Variants in RPA4 observed in about 807,000 individuals in gnomAD.
RPA4 encodes the protein replication protein A 30 kDa subunit.
For missense variants in RPA4, 229 were observed against 215.5 expected (o/e 1.06, Z -0.39); for synonymous variants, 88 against 84.4 (o/e 1.04, Z -0.23).
chrX:96,884,981 G>A lies in RPA4; in HGVS notation c.671G>A (p.Arg224Gln). The A allele has an allele frequency of 2.5e-6, 3 of 1,210,460 alleles. No individual in the cohort carries two copies. Among genetic ancestry groups the A allele is most frequent in the Non-Finnish European group, 3.4e-6 (3 of 894,994 alleles). The change falls in exon 1 of 1, where the codon CGG (arginine) becomes CAG (glutamine). Residue 224 changes from arginine (R) to glutamine (Q), a missense_variant. Arg to Gln is a conservative substitution (Grantham distance 43). Transcript: ENST00000373040. The stretch of plus-strand genomic sequence containing the variant: ...GAAGGGAAGAGCATCCATGAGCTCC[G>A]GGCTCAGCTCTGCGACCTTAGCGTC... ...HQEGKSIHEL[R>Q]AQLCDLSVKA... is the part of the protein sequence containing the mutation.
In RPA4 at chrX:96,885,054, C is replaced by A. The variant is rs2065250504; in HGVS notation, c.744C>A (p.Ile248=). The A allele has an allele frequency of 1.7e-6, 2 of 1,210,757 alleles. No homozygotes were observed. Among genetic ancestry groups the A allele is most frequent in the East Asian group, 5.9e-5 (2 of 33,811 alleles). The change falls in exon 1 of 1, where the codon ATC becomes ATA. Residue 248 remains isoleucine (I), a synonymous_variant. Coordinates refer to ENST00000373040, the MANE Select transcript of RPA4 (RefSeq NM_013347.4). ...ATTATCTGACCGTTGAGGGCCACAT[C>A]TATCCCACTGTGGATCGGGAGCATT... The part of the protein sequence containing the change: ...AIDYLTVEGH[I]YPTVDREHFK...
In RPA4 at chrX:96,884,469, G is replaced by C. The variant is rs368340875; in HGVS notation, c.159G>C (p.Gln53His). Residue 53 changes from glutamine (Q) to histidine (H), a missense_variant, in exon 1 of 1, where the codon CAG becomes CAC. Coordinates refer to ENST00000373040, the MANE Select transcript of RPA4 (RefSeq NM_013347.4). Reference sequence around the variant, plus strand: ...ACGTTGTACCGTGTAATGTGAACCAGCTTCTCAGCTCTACTGTGTTTGACC... The same window carrying C: ...ACGTTGTACCGTGTAATGTGAACCACCTTCTCAGCTCTACTGTGTTTGACC... Reference protein sequence around the residue: ...IQDVVPCNVNQLLSSTVFDPV... With the variant: ...IQDVVPCNVNHLLSSTVFDPV... The C allele has an allele frequency of 5.8e-6, 7 of 1,209,220 alleles. No homozygotes were observed. In the African/African-American group the frequency reaches 1.1e-4, roughly 18 times the overall value.
At position 96,884,736 on chromosome X, in the gene RPA4, A is replaced by G. The variant is rs1393616762; in HGVS notation, c.426A>G (p.Val142=). The G allele has an allele frequency of 8.3e-7, 1 of 1,210,321 alleles. No individual in the cohort carries two copies. Among genetic ancestry groups the G allele is most frequent in the Admixed American group, 2.2e-5 (1 of 45,946 alleles). ...KCPTGTKSLE[V]LKIHVLEDMN... is the part of the protein sequence containing the mutation. ...CCACGGGAACAAAGAGCCTTGAGGTATTGAAAATTCATGTCCTAGAGGACA... is the reference window on the plus strand; with the variant it reads ...CCACGGGAACAAAGAGCCTTGAGGTGTTGAAAATTCATGTCCTAGAGGACA... Residue 142 remains valine, a synonymous_variant, in exon 1 of 1, where the codon GTA becomes GTG. Transcript: ENST00000373040.
chrX:96,884,254 C>T lies in RPA4; in HGVS notation c.-57C>T. On this transcript the variant is annotated 5_prime_UTR_variant, in exon 1 of 1. Transcript: ENST00000373040. ...CTTCTGTGGAGAACTCAAAGCCGTC[C>T]GTGGAGCCCCAGACGAGCCAAAGCC... 2.8e-6 allele frequency: 3 copies of T among 1,068,111 alleles called. No homozygotes were observed. Among genetic ancestry groups the T allele is most frequent in the Non-Finnish European group, 3.8e-6 (3 of 787,112 alleles). The allele number at this position is 1,068,111 out of a possible 1,213,427, so 88.0% of individuals were successfully genotyped here.
chrX:96,885,014 T>A lies in RPA4; in HGVS notation c.704T>A (p.Ile235Asn), dbSNP rs1276140117. 1 of 1,211,101 alleles carries A rather than the reference T, an allele frequency of 8.3e-7. No homozygotes were observed. Among genetic ancestry groups the A allele is most frequent in the African/African-American group, 1.7e-5 (1 of 57,647 alleles). Residue 235 changes from isoleucine to asparagine, a missense_variant, in exon 1 of 1, where the codon ATC (isoleucine) becomes AAC (asparagine). Transcript: ENST00000373040. ...CTCTGCGACCTTAGCGTCAAGGCCA[T>A]CAAGGAAGCGATTGATTATCTGACC... ...AQLCDLSVKA[I>N]KEAIDYLTVE...
In RPA4 at chrX:96,884,662, C is replaced by A; in HGVS notation, c.352C>A (p.Pro118Thr). The change falls in exon 1 of 1, where the codon CCA becomes ACA. Residue 118 changes from proline to threonine, a missense_variant. Coordinates refer to ENST00000373040, the MANE Select transcript of RPA4 (RefSeq NM_013347.4). Reference protein sequence around the residue: ...FGREKVKQVTPLSVGVYVKVF... With the variant: ...FGREKVKQVTTLSVGVYVKVF... The stretch of plus-strand genomic sequence containing the variant: ...TAGAGAGAAAGTCAAGCAGGTGACT[C>A]CATTGTCAGTCGGAGTATATGTCAA... 8.3e-7 allele frequency: 1 copy of A among 1,210,437 alleles called. No individual in the cohort carries two copies. Among genetic ancestry groups the A allele is most frequent in the Non-Finnish European group, 1.1e-6 (1 of 894,965 alleles).
rs1466602605 is a variant in RPA4 at position 96,884,507 on chromosome X, T to C, written c.197T>C (p.Val66Ala). The change falls in exon 1 of 1, where the codon GTT becomes GCT. Residue 66 changes from valine (V) to alanine (A), a missense_variant. Val to Ala is a moderately conservative substitution (Grantham distance 64). Coordinates refer to ENST00000373040, the MANE Select transcript of RPA4 (RefSeq NM_013347.4). ...ACTGTGTTTGACCCTGTGTTCAAGG[T>C]TAGGGGAATTATAGTTTCCCAGGTC... ...SSTVFDPVFK[V>A]RGIIVSQVSI... 1 of 1,210,678 alleles carries C rather than the reference T, an allele frequency of 8.3e-7. No individual in the cohort carries two copies. The highest frequency in any genetic ancestry group is 1.8e-5 in the South Asian group (1 of 56,912).
chrX:96,884,993 G>T lies in RPA4; in HGVS notation c.683G>T (p.Cys228Phe). Residue 228 changes from cysteine to phenylalanine, a missense_variant, in exon 1 of 1, where the codon TGC becomes TTC. Transcript: ENST00000373040. ...ATCCATGAGCTCCGGGCTCAGCTCTGCGACCTTAGCGTCAAGGCCATCAAG... is the reference window on the plus strand; with the variant it reads ...ATCCATGAGCTCCGGGCTCAGCTCTTCGACCTTAGCGTCAAGGCCATCAAG... Reference protein sequence around the residue: ...KSIHELRAQLCDLSVKAIKEA... With the variant: ...KSIHELRAQLFDLSVKAIKEA... 4.1e-6 allele frequency: 5 copies of T among 1,210,498 alleles called. No individual in the cohort carries two copies. Among genetic ancestry groups the T allele is most frequent in the Non-Finnish European group, 5.6e-6 (5 of 894,725 alleles).
Position 96,885,221 on chromosome X carries a change from C to G in RPA4, c.*125C>G. On this transcript the variant is annotated 3_prime_UTR_variant, in exon 1 of 1. Coordinates refer to ENST00000373040, the MANE Select transcript of RPA4 (RefSeq NM_013347.4). Reference sequence around the variant, plus strand: ...TCTCAAGTGGCATTCTTTGTCAACTCGCTGCTTTTCTAACTGCTTTGAACT... The same window carrying G: ...TCTCAAGTGGCATTCTTTGTCAACTGGCTGCTTTTCTAACTGCTTTGAACT... 1.8e-6 allele frequency: 1 copy of G among 557,142 alleles called. No individual in the cohort carries two copies. The highest frequency in any genetic ancestry group is 2.9e-6 in the Non-Finnish European group (1 of 347,877). The allele number at this position is 557,142 out of a possible 1,213,427, so 45.9% of individuals were successfully genotyped here. A position where few individuals can be genotyped will look rare whatever the true frequency, so the allele number is the denominator to read the frequency against.
chrX:96,884,680 T>C lies in RPA4; in HGVS notation c.370T>C (p.Tyr124His), dbSNP rs750200948. Residue 124 changes from tyrosine (Y) to histidine (H), a missense_variant, in exon 1 of 1, where the codon TAT (tyrosine) becomes CAT (histidine). Coordinates refer to ENST00000373040, the MANE Select transcript of RPA4 (RefSeq NM_013347.4). ...GGTGACTCCATTGTCAGTCGGAGTA[T>C]ATGTCAAAGTGTTTGGTATCCTCAA... ...KQVTPLSVGVYVKVFGILKCP... is the reference protein window; with the variant it reads ...KQVTPLSVGVHVKVFGILKCP... 1.7e-6 allele frequency: 2 copies of C among 1,210,474 alleles called. No individual in the cohort carries two copies. The highest frequency in any genetic ancestry group is 4.4e-5 in the Admixed American group (2 of 45,888).
chrX:96,885,159 C>CT lies in RPA4; in HGVS notation c.*64dup, dbSNP rs1274216555. The CT allele has an allele frequency of 2.0e-6, 2 of 1,009,385 alleles. No homozygotes were observed. Among genetic ancestry groups the CT allele is most frequent in the African/African-American group, 3.9e-5 (2 of 51,533 alleles). 83.2% of individuals were successfully genotyped at this position (1,009,385 alleles called of 1,213,427 possible). A position where few individuals can be genotyped will look rare whatever the true frequency, so the allele number is the denominator to read the frequency against. ...GCATCCAGCTGTGAGTAATTTTGAC[C>CT]TGTTGACTTTTTAGGAAGTAGGACT... On this transcript the variant is annotated 3_prime_UTR_variant, in exon 1 of 1. Transcript: ENST00000373040.
At position 96,885,070 on chromosome X, in the gene RPA4, C is replaced by T. The variant is rs2065250741; in HGVS notation, c.760C>T (p.Arg254Trp). The part of the protein sequence containing the change: ...VEGHIYPTVD[R>W]EHFKSAD The stretch of plus-strand genomic sequence containing the variant: ...GGGCCACATCTATCCCACTGTGGAT[C>T]GGGAGCATTTTAAGTCTGCTGATTG... Residue 254 changes from arginine (R) to tryptophan (W), a missense_variant, in exon 1 of 1, where the codon CGG (arginine) becomes TGG (tryptophan). Transcript: ENST00000373040. 1.5e-5 allele frequency: 18 copies of T among 1,206,087 alleles called. No homozygotes were observed. Among genetic ancestry groups the T allele is most frequent in the East Asian group, 3.0e-5 (1 of 33,664 alleles).
chrX:96,885,264 T>TATA lies in RPA4; in HGVS notation c.*168_*169insATA. The TATA allele has an allele frequency of 2.2e-6, 1 of 460,652 alleles. No homozygotes were observed. The highest frequency in any genetic ancestry group is 3.6e-5 in the South Asian group (1 of 27,555). 38.0% of individuals were successfully genotyped at this position (460,652 alleles called of 1,213,427 possible). On this transcript the variant is annotated 3_prime_UTR_variant, in exon 1 of 1. Transcript: ENST00000373040. ...TTTGAACTTTTCGGATTTTCTGTAT[T>TATA]TGAAGCTCAGAGAGAGACGGTGATG... is the stretch of plus-strand genomic sequence containing the variant.
At position 96,885,180 on chromosome X, in the gene RPA4, G is replaced by A. The variant is rs926179539; in HGVS notation, c.*84G>A. 1 of 830,729 alleles carries A rather than the reference G, an allele frequency of 1.2e-6. No homozygotes were observed. The highest frequency in any genetic ancestry group is 1.7e-6 in the Non-Finnish European group (1 of 587,917). The allele number at this position is 830,729 out of a possible 1,213,427, so 68.5% of individuals were successfully genotyped here. ...TGACCTGTTGACTTTTTAGGAAGTA[G>A]GACTAAAAAAAAAAATCTCAAGTGG... On this transcript the variant is annotated 3_prime_UTR_variant, in exon 1 of 1. Coordinates refer to ENST00000373040, the MANE Select transcript of RPA4 (RefSeq NM_013347.4).
chrX:96,884,088 C>T lies in RPA4; in HGVS notation c.-223C>T, dbSNP rs1332154632. 2 of 389,998 alleles carry T rather than the reference C, an allele frequency of 5.1e-6. No individual in the cohort carries two copies. Among genetic ancestry groups the T allele is most frequent in the South Asian group, 4.7e-5 (1 of 21,067 alleles). 32.1% of individuals were successfully genotyped at this position (389,998 alleles called of 1,213,427 possible). ...TTATGCGATCAGGTGAGAAGGTGGC[C>T]GACCCTGACTGGCTGGAAGCAGATG... On this transcript the variant is annotated 5_prime_UTR_variant, in exon 1 of 1. Transcript: ENST00000373040.
chrX:96,884,393 G>C lies in RPA4; in HGVS notation c.83G>C (p.Arg28Thr), dbSNP rs2065242613. 8.3e-7 allele frequency: 1 copy of C among 1,210,455 alleles called. No homozygotes were observed. The highest frequency in any genetic ancestry group is 1.8e-5 in the South Asian group (1 of 56,911). ...GGAGGCAGTGACCAACTGTGTGAGAGAGATGCAACTCCTGCTATTAAGACC... is the reference window on the plus strand; with the variant it reads ...GGAGGCAGTGACCAACTGTGTGAGACAGATGCAACTCCTGCTATTAAGACC... The part of the protein sequence containing the change: ...ASGGSDQLCE[R>T]DATPAIKTQR... Residue 28 changes from arginine (R) to threonine (T), a missense_variant, in exon 1 of 1, where the codon AGA becomes ACA. Coordinates refer to ENST00000373040, the MANE Select transcript of RPA4 (RefSeq NM_013347.4).
chrX:96,884,227 G>T lies in RPA4; in HGVS notation c.-84G>T. 1 of 828,619 alleles carries T rather than the reference G, an allele frequency of 1.2e-6. No homozygotes were observed. The highest frequency in any genetic ancestry group is 2.6e-5 in the South Asian group (1 of 39,212). The allele number at this position is 828,619 out of a possible 1,213,427, so 68.3% of individuals were successfully genotyped here. On this transcript the variant is annotated 5_prime_UTR_variant, in exon 1 of 1. Transcript: ENST00000373040. ...CGAAGCCTTCTGTGGAGAGCTCGAA[G>T]CCTTCTGTGGAGAACTCAAAGCCGT...
At position 96,884,007 on chromosome X, in the gene RPA4, G is replaced by A. The variant is rs2065238741; in HGVS notation, c.-304G>A. 8.8e-6 allele frequency: 2 copies of A among 228,124 alleles called. No homozygotes were observed. Among genetic ancestry groups the A allele is most frequent in the Non-Finnish European group, 1.6e-5 (2 of 127,501 alleles). The allele number at this position is 228,124 out of a possible 1,213,427, so 18.8% of individuals were successfully genotyped here. A position where few individuals can be genotyped will look rare whatever the true frequency, so the allele number is the denominator to read the frequency against. ...GGCGCTTTGACCAGCTAAGCAACAG[G>A]GCTCCCCTCGTGTGGGACTTTTAGA... On this transcript the variant is annotated 5_prime_UTR_variant, in exon 1 of 1. Coordinates refer to ENST00000373040, the MANE Select transcript of RPA4 (RefSeq NM_013347.4).
chrX:96,885,250 C>A lies in RPA4; in HGVS notation c.*154C>A, dbSNP rs1245206894. On this transcript the variant is annotated 3_prime_UTR_variant, in exon 1 of 1. Transcript: ENST00000373040. ...GCTTTTCTAACTGCTTTGAACTTTT[C>A]GGATTTTCTGTATTTGAAGCTCAGA... 8.3e-6 allele frequency: 4 copies of A among 481,679 alleles called. No homozygotes were observed. Among genetic ancestry groups the A allele is most frequent in the Non-Finnish European group, 1.4e-5 (4 of 284,070 alleles). 39.7% of individuals were successfully genotyped at this position (481,679 alleles called of 1,213,427 possible). A position where few individuals can be genotyped will look rare whatever the true frequency, so the allele number is the denominator to read the frequency against.
Sources: gnomAD v4.1 joint callset for allele counts on GRCh38, gnomAD v4.1.1 for gene constraint, MANE v1.5 for transcripts, NCBI Gene and HGNC (gene_info 2026-07-23, HGNC 2026-07-21) for gene names.